The following CSMD3 variants were observed in gnomAD, a reference collection of about 807,000 sequenced individuals.
CSMD3 encodes the protein CUB and Sushi multiple domains 3, also known as CUB and sushi domain-containing protein 3.
In CSMD3, 177 loss-of-function variants were observed where a neutral mutation model predicts 435.2. The ratio of observed to expected loss-of-function variants is 0.41; its 90% CI spans 0.36 to 0.46. The LOEUF (loss-of-function observed/expected upper bound fraction) is 0.46. CSMD3 is among the 20% of genes least tolerant of loss of function. The pLI is 0.34. For missense variants in CSMD3, 4,265 were observed against 4,504.6 expected (o/e 0.95, Z 1.52); for synonymous variants, 1,656 against 1,520.5 (o/e 1.09, Z -2.07).
At chr8:113,135,993 GCA>G (rs2091408481) in intron 4 of CSMD3, among the ~76,000 whole-genome samples, 1 of 151,676 alleles carries the variant, frequency 6.6e-6, no homozygotes, top group Non-Finnish European at 1.5e-5. Context: ...AATATATCAG[GCA>G]CTGTTAGATA....
intron 4 of CSMD3, among the ~76,000 whole-genome samples, chr8:113,155,829 G>C (rs949293200): frequency 6.6e-6 from 1 of 152,050 alleles, no homozygotes; most frequent in Non-Finnish European, 1.5e-5. Flanking sequence ...TGAATACTGA[G>C]TGACTAATAG....
At chr8:112,798,976 G>C (rs1174185279) in intron 13 of CSMD3, among the ~76,000 whole-genome samples, 1 of 151,656 alleles carries the variant, frequency 6.6e-6, no homozygotes, top group Non-Finnish European at 1.5e-5. Context: ...TGTGCACACA[G>C]ACCCCCTGCA....
intron 1 of CSMD3, among the ~76,000 whole-genome samples, chr8:113,388,237 A>G (rs2094447532): frequency 6.6e-6 from 1 of 151,670 alleles, no homozygotes; most frequent in South Asian, 2.1e-4. Context: ...CAAGAGACAA[A>G]CATAATAGTT....
intron 1 of CSMD3, among the ~76,000 whole-genome samples, chr8:113,417,101 A>G (rs2094585128): frequency 6.6e-6 from 1 of 152,084 alleles, no homozygotes. Context: ...CTTTAGACAG[A>G]TATCAAAGTA....
At chr8:112,981,909 T>C (rs1407919581) in intron 6 of CSMD3, among the ~76,000 whole-genome samples, 1 of 151,788 alleles carries the variant, frequency 6.6e-6, no homozygotes, top group African/African-American at 2.4e-5. Context: ...AATGTATGAA[T>C]GTTATATTAA....
chr8:113,082,596 T>G (rs1242836425), intron 5 of CSMD3, among the ~76,000 whole-genome samples: 3 of 151,612 alleles, frequency 2.0e-5, no homozygotes, highest in Non-Finnish European at 2.9e-5. Flanking sequence ...AAAAAGGAAA[T>G]TTGACACCTC....
At chr8:113,128,114 T>C (rs939641243) in intron 4 of CSMD3, among the ~76,000 whole-genome samples, 1 of 152,152 alleles carries the variant, frequency 6.6e-6, no homozygotes, top group African/African-American at 2.4e-5. Context: ...GTTTCTTTCA[T>C]GACCCATACA....
intron 5 of CSMD3, among the ~76,000 whole-genome samples, chr8:113,065,700 T>A (rs910461964): frequency 6.6e-6 from 1 of 152,142 alleles, no homozygotes; most frequent in Non-Finnish European, 1.5e-5. Flanking sequence ...AACAGCCTCA[T>A]GTTTTAAAAA....
intron 29 of CSMD3, among the ~76,000 whole-genome samples, chr8:112,504,776 A>G (rs1266136759): frequency 6.6e-6 from 1 of 152,146 alleles, no homozygotes; most frequent in Non-Finnish European, 1.5e-5. Flanking sequence ...GAACTCATAC[A>G]TTTAGAAGAC....
At chr8:113,388,135 G>A (rs892800868) in intron 1 of CSMD3, among the ~76,000 whole-genome samples, 1 of 151,580 alleles carries the variant, frequency 6.6e-6, no homozygotes, top group African/African-American at 2.4e-5. Context: ...CTATGCTAAG[G>A]TATATAGGTA....
At chr8:112,656,407 G>T in intron 17 of CSMD3, 66 bp from the exon 18 acceptor site, 1 of 1,191,702 alleles carries the variant, frequency 8.4e-7, no homozygotes, top group Non-Finnish European at 1.2e-6. Flanking sequence ...ATAATGCTTT[G>T]GACTGCTATT....
At chr8:112,357,995 G>T (rs976127109) in intron 38 of CSMD3, among the ~76,000 whole-genome samples, 9 of 152,124 alleles carry the variant, frequency 5.9e-5, no homozygotes, top group African/African-American at 2.2e-4. Context: ...TACAAAAGCT[G>T]CAGACACTCA....
Position 112,247,143 on chromosome 8 carries a change from TAA to T in CSMD3, c.10111-14_10111-13del. 6.4e-7 allele frequency: 1 copy of T among 1,552,604 alleles called. No individual in the cohort carries two copies. Among genetic ancestry groups the T allele is most frequent in the Non-Finnish European group, 8.9e-7 (1 of 1,124,434 alleles). ...ACAACACTTCCTACCTATAGCAAAT[TAA>T]AGAGAGGAAAAAAATATTCCCCTAC... On this transcript the variant is annotated splice_polypyrimidine_tract_variant and intron_variant, in intron 63 of 70. Transcript: ENST00000297405.
At chr8:112,963,877 T>C (rs2084323631) in intron 7 of CSMD3, among the ~76,000 whole-genome samples, 1 of 151,984 alleles carries the variant, frequency 6.6e-6, no homozygotes, top group Non-Finnish European at 1.5e-5. Flanking sequence ...CATTAAACTA[T>C]GTATTTTTTC....
chr8:113,144,173 A>G (rs938912019), intron 4 of CSMD3, among the ~76,000 whole-genome samples: 2 of 151,236 alleles, frequency 1.3e-5, no homozygotes, highest in African/African-American at 4.8e-5. Context: ...GCAAAATAAT[A>G]CATTTTTGTA....
At chr8:113,418,387 T>C (rs1212621647) in intron 1 of CSMD3, among the ~76,000 whole-genome samples, 1 of 152,104 alleles carries the variant, frequency 6.6e-6, no homozygotes, top group African/African-American at 2.4e-5. Flanking sequence ...ATGTAAGGAA[T>C]CTTCTAATAA....
chr8:113,055,625 T>A (rs2088294504), intron 5 of CSMD3, among the ~76,000 whole-genome samples: 1 of 152,216 alleles, frequency 6.6e-6, no homozygotes, highest in African/African-American at 2.4e-5. Flanking sequence ...TATGTTAAAA[T>A]CATTTTCTAC....
chr8:113,046,544 A>G lies in CSMD3; in HGVS notation c.918-27365T>C, dbSNP rs781500239. On this transcript the variant is annotated intron_variant, in intron 5 of 70. Coordinates refer to ENST00000297405, the MANE Select transcript of CSMD3 (RefSeq NM_198123.2). ...GAGGCCCCGCCCCCAGCGCTGCTGGATGCAGCGTCGATTGGCTGCCCCTAC... is the reference window on the plus strand; with the variant it reads ...GAGGCCCCGCCCCCAGCGCTGCTGGGTGCAGCGTCGATTGGCTGCCCCTAC... Among the ~76,000 whole-genome samples, 3 of 152,176 alleles carry G rather than the reference A, an allele frequency of 2.0e-5. 1 individual carries two copies. Among genetic ancestry groups the G allele is most frequent in the Non-Finnish European group, 2.9e-5 (2 of 68,026 alleles).
intron 38 of CSMD3, among the ~76,000 whole-genome samples, chr8:112,374,194 A>G (rs1828720697): frequency 8.1e-6 from 1 of 123,884 alleles, no homozygotes; most frequent in African/African-American, 2.5e-5. Context: ...TTTGCAAACA[A>G]GAAACATATT....
Sources: gnomAD v4.1 joint callset for allele counts (sites outside exome capture counted in the v4.1 genomes callset) on GRCh38, gnomAD v4.1.1 for gene constraint, MANE v1.5 for transcripts, NCBI Gene and HGNC (gene_info 2026-07-23, HGNC 2026-07-21) for gene names.